The following SERPING1 variants were observed in gnomAD, a reference collection of about 807,000 sequenced individuals.
SERPING1 encodes the protein serpin family G member 1.
SERPING1 carries 5 observed loss-of-function variants against 34.1 expected under a neutral mutation model. The ratio of observed to expected loss-of-function variants is 0.15; its 90% confidence interval spans 0.08 to 0.31. The LOEUF (loss-of-function observed/expected upper bound fraction) is 0.31, where lower values mean the gene tolerates loss of function less well. SERPING1 is among the 10% of genes least tolerant of loss of function. SERPING1 has a pLI of 1.00. For missense variants in SERPING1, 505 were observed against 609.5 expected (o/e 0.83, Z 1.81); for synonymous variants, 225 against 242.4 (o/e 0.93, Z 0.67).
chr11:57,606,283 C>T, intron 5 of SERPING1, 70 bp downstream of exon 5: 2 of 1,601,682 alleles, frequency 1.2e-6, no homozygotes, highest in East Asian at 4.5e-5. Context: ...TCAAAGCCCA[C>T]TTAACCCCAA....
intron 3 of SERPING1, among the ~76,000 whole-genome samples, chr11:57,601,121 C>G (rs371758995): frequency 1.2e-4 from 18 of 151,736 alleles, no homozygotes; most frequent in Non-Finnish European, 2.5e-4. Context: ...GAAAGCCAGG[C>G]CGGATGCGGT....
At chr11:57,614,236 A>G (rs1945510709) in intron 7 of SERPING1, 92 bp from the exon 8 acceptor site, 2 of 1,506,398 alleles carry the variant, frequency 1.3e-6, no homozygotes, top group South Asian at 1.1e-5. Flanking sequence ...ACTGGGACTC[A>G]GGATGAACCC....
Position 57,611,919 on chromosome 11 carries a change from C to T in SERPING1, c.1232C>T (p.Ser411Leu). Residue 411 changes from serine to leucine, a missense_variant, in exon 7 of 8, where the codon TCA becomes TTA. Coordinates refer to ENST00000278407, the MANE Select transcript of SERPING1 (RefSeq NM_000062.3). ...GTGACGACCAGCCAGGATATGCTCT[C>T]AATCATGGAGAAATTGGGTGAGCTC... is the stretch of plus-strand genomic sequence containing the variant. ...IKVTTSQDMLSIMEKLEFFDF... is the reference protein window; with the variant it reads ...IKVTTSQDMLLIMEKLEFFDF... 6.2e-7 allele frequency: 1 copy of T among 1,614,030 alleles called. No homozygotes were observed. The highest frequency in any genetic ancestry group is 8.5e-7 in the Non-Finnish European group (1 of 1,179,994).
At chr11:57,612,931 G>A (rs902769609) in intron 7 of SERPING1, among the ~76,000 whole-genome samples, 2 of 151,684 alleles carry the variant, frequency 1.3e-5, no homozygotes, top group African/African-American at 2.4e-5. Flanking sequence ...ATTTTTAGTA[G>A]AGATGGGGTT....
Position 57,599,992 on chromosome 11 carries a change from C to G in SERPING1, c.165C>G (p.Phe55Leu). ...CAACAGTTATCTCCAAGATGCTATT[C>G]GTTGAACCCATCCTGGAGGTTTCCA... is the stretch of plus-strand genomic sequence containing the variant. ...VATTVISKML[F>L]VEPILEVSSL... Residue 55 changes from phenylalanine (F) to leucine (L), a missense_variant, in exon 3 of 8, where the codon TTC becomes TTG. Transcript: ENST00000278407. The G allele has an allele frequency of 6.2e-7, 1 of 1,614,174 alleles. No individual in the cohort carries two copies. Among genetic ancestry groups the G allele is most frequent in the Non-Finnish European group, 8.5e-7 (1 of 1,180,036 alleles).
rs1314284778 is a variant in SERPING1, at chr11:57,600,382, G to A, written c.550+5G>A. ...TCCTTACCCAGGTCCTGCTCGGTAA[G>A]ACCCTGCTTGAATTCTCTCCAGGTC... On this transcript the variant is annotated splice_donor_5th_base_variant and intron_variant, in intron 3 of 7. Coordinates refer to ENST00000278407, the MANE Select transcript of SERPING1 (RefSeq NM_000062.3). 6.2e-7 allele frequency: 1 copy of A among 1,612,168 alleles called. No homozygotes were observed. The highest frequency in any genetic ancestry group is 8.5e-7 in the Non-Finnish European group (1 of 1,179,976).
chr11:57,597,912 G>GC (rs950707664), intron 1 of SERPING1, 190 bp downstream of exon 1: 7 of 277,674 alleles, frequency 2.5e-5, no homozygotes, highest in African/African-American at 4.4e-5. Flanking sequence ...GTTGTGCTCA[G>GC]CCCCCCAGGA....
At chr11:57,609,433 A>G (rs1217372058) in intron 6 of SERPING1, among the ~76,000 whole-genome samples, 1 of 151,860 alleles carries the variant, frequency 6.6e-6, no homozygotes, top group Admixed American at 6.6e-5. Flanking sequence ...ACAAAAAATA[A>G]GCCGGGTGTG....
intron 6 of SERPING1, among the ~76,000 whole-genome samples, chr11:57,610,519 G>A (rs2508443): frequency 2.0e-5 from 3 of 152,038 alleles, no homozygotes; most frequent in Non-Finnish European, 4.4e-5. Flanking sequence ...GGCTATTCAG[G>A]TTCCGACAAT....
chr11:57,614,262 A>G, intron 7 of SERPING1, 66 bp from the exon 8 acceptor site: 1 of 1,595,978 alleles, frequency 6.3e-7, no homozygotes. Flanking sequence ...ATTCAGGACA[A>G]AGGTCTCCAT....
In SERPING1 at chr11:57,614,647, T is replaced by A; in HGVS notation, c.*66T>A. On this transcript the variant is annotated 3_prime_UTR_variant, in exon 8 of 8. Transcript: ENST00000278407. ...CCTCAGCTCTCAGTTGCAGCCCTGC[T>A]GCTGCCTGCCTGGACTTGGCCCCTG... 1 of 1,574,278 alleles carries A rather than the reference T, an allele frequency of 6.4e-7. No homozygotes were observed. Among genetic ancestry groups the A allele is most frequent in the Non-Finnish European group, 8.6e-7 (1 of 1,164,264 alleles).
At chr11:57,605,782 G>A (rs1565171578) in intron 4 of SERPING1, 2 of 597,764 alleles carry the variant, frequency 3.3e-6, no homozygotes, top group Non-Finnish European at 6.0e-6. Context: ...ATAGCAAGCT[G>A]AGGCAGCGGA....
chr11:57,598,613 A>G (rs564888913), intron 2 of SERPING1, among the ~76,000 whole-genome samples: 1 of 152,242 alleles, frequency 6.6e-6, no homozygotes, highest in South Asian at 2.1e-4. Context: ...TGTTGAATAA[A>G]CAGATCCCAC....
At chr11:57,608,025 A>C (rs1404271582) in intron 6 of SERPING1, among the ~76,000 whole-genome samples, 1 of 152,176 alleles carries the variant, frequency 6.6e-6, no homozygotes, top group East Asian at 1.9e-4. Flanking sequence ...CCACCCATCT[A>C]TCCATCCCTA....
At chr11:57,605,975 A>G in intron 4 of SERPING1, 35 bp from the exon 5 acceptor site, 1 of 1,584,106 alleles carries the variant, frequency 6.3e-7, no homozygotes, top group Non-Finnish European at 8.7e-7. Context: ...CGACGTGTTC[A>G]GGACTCATGC....
chr11:57,601,855 CAAAAAAAAAAAA>C (rs5792050), intron 3 of SERPING1, among the ~76,000 whole-genome samples, 168 bp from the exon 4 acceptor site: 1 of 57,790 alleles, frequency 1.7e-5, no homozygotes, highest in African/African-American at 6.8e-5. Flanking sequence ...GACTCTGTCT[CAAAAAAAAAAAA>C]AAAAAAAAAA....
rs755506811 is a variant in SERPING1 at position 57,614,506 on chromosome 11, C to G, written c.1428C>G (p.Pro476=). The stretch of plus-strand genomic sequence containing the variant: ...TGCTGGTCTTTGAAGTGCAGCAGCC[C>G]TTCCTCTTCGTGCTCTGGGACCAGC... ...RTLLVFEVQQ[P]FLFVLWDQQH... is the part of the protein sequence containing the mutation. The change falls in exon 8 of 8, where the codon CCC becomes CCG. Residue 476 remains proline, a synonymous_variant. Transcript: ENST00000278407. 4 of 1,614,098 alleles carry G rather than the reference C, an allele frequency of 2.5e-6. 1 individual carries two copies. In the South Asian group the frequency reaches 4.4e-5, roughly 18 times the overall value.
At chr11:57,611,587 C>T in intron 6 of SERPING1, 130 bp from the exon 7 acceptor site, 1 of 904,006 alleles carries the variant, frequency 1.1e-6, no homozygotes, top group South Asian at 1.3e-5. Context: ...AGCCTGGAAG[C>T]TTAGGTCTGA....
At chr11:57,605,757 C>G (rs1313289602) in intron 4 of SERPING1, 2 of 552,996 alleles carry the variant, frequency 3.6e-6, no homozygotes, top group Non-Finnish European at 6.5e-6. Flanking sequence ...GATTATCTTG[C>G]CGAGCCATAG....
Sources: gnomAD v4.1 joint callset for allele counts (sites outside exome capture counted in the v4.1 genomes callset) on GRCh38, gnomAD v4.1.1 for gene constraint, MANE v1.5 for transcripts, NCBI Gene and HGNC (gene_info 2026-07-23, HGNC 2026-07-21) for gene names.